The following ERC2 variants were observed in gnomAD, a reference collection of about 807,000 sequenced individuals.
ERC2 encodes the protein ELKS/RAB6-interacting/CAST family member 2.
A neutral mutation model predicts 114.8 loss-of-function variants in ERC2; 42 were observed. The ratio of observed to expected loss-of-function variants is 0.37; its 90% CI spans 0.29 to 0.47. The LOEUF (loss-of-function observed/expected upper bound fraction) is 0.47. Ranked by LOEUF, ERC2 falls within the 20% of genes least tolerant of loss-of-function variation. ERC2 has a pLI of 0.99. For synonymous variants in ERC2, 454 were observed against 425.5 expected (o/e 1.07, Z -0.82); for missense variants, 939 against 1,150.7 (o/e 0.82, Z 2.66).
At chr3:55,737,396 T>C (rs1339753628) in intron 14 of ERC2, among the ~76,000 whole-genome samples, 1 of 152,172 alleles carries the variant, frequency 6.6e-6, no homozygotes, top group Non-Finnish European at 1.5e-5. Flanking sequence ...TAGACATGCT[T>C]GCGGCTCCCA....
rs61573924 is a variant in ERC2 at position 55,850,845 on chromosome 3, AACACACACACACACACAC to A, written c.2564+37526_2564+37543del. Among the ~76,000 whole-genome samples the A allele has an allele frequency of 4.7e-4, 59 of 125,956 alleles. No homozygotes were observed. In the East Asian group the frequency reaches 7.8e-3, roughly 17 times the overall value. 82.6% of individuals were successfully genotyped at this position (125,956 alleles called of 152,430 possible). On this transcript the variant is annotated intron_variant, in intron 14 of 17. Coordinates refer to ENST00000288221, the MANE Select transcript of ERC2 (RefSeq NM_015576.3). ...TCCTGTTTCTAGATACTCTTTTTCA[AACACACACACACACACAC>A]ACACACACACACACACACACACACA...
intron 17 of ERC2, among the ~76,000 whole-genome samples, chr3:55,676,802 G>T (rs866241526): frequency 1.3e-5 from 2 of 152,092 alleles, no homozygotes; most frequent in Admixed American, 6.6e-5. Context: ...CTCCCTGTGC[G>T]CCAGCCCTGG....
chr3:56,401,335 AC>A (rs768166267), intron 2 of ERC2, among the ~76,000 whole-genome samples: 27 of 152,192 alleles, frequency 1.8e-4, no homozygotes, highest in Middle Eastern at 6.3e-3. Flanking sequence ...GTTGACTTAA[AC>A]CCAAATTCCC....
chr3:55,760,093 C>G (rs775271756), intron 14 of ERC2, among the ~76,000 whole-genome samples: 5 of 152,130 alleles, frequency 3.3e-5, no homozygotes, highest in African/African-American at 1.2e-4. Flanking sequence ...GTTTCAGTCT[C>G]GTACTTTTCT....
chr3:55,994,005 TTG>T (rs1166612435), intron 10 of ERC2, among the ~76,000 whole-genome samples: 7 of 152,150 alleles, frequency 4.6e-5, no homozygotes, highest in Non-Finnish European at 7.4e-5. Context: ...CTGCTTCTAT[TTG>T]TGACAATATG....
chr3:56,433,773 G>A, intron 2 of ERC2: 1 of 156,364 alleles, frequency 6.4e-6, no homozygotes, highest in Non-Finnish European at 1.4e-5. Flanking sequence ...ATGCTGAATG[G>A]ATGAAGGCAA....
At position 56,032,967 on chromosome 3, in the gene ERC2, AAGAAAGAAAG is replaced by A. The variant is rs758397271; in HGVS notation, c.1642-13946_1642-13937del. 4.0e-4 allele frequency among the ~76,000 whole-genome samples: 41 copies of A among 103,546 alleles called. 3 individuals are homozygous for A. The highest frequency in any genetic ancestry group is 6.4e-4 in the Non-Finnish European group (31 of 48,170). 67.9% of individuals were successfully genotyped at this position (103,546 alleles called of 152,430 possible). On this transcript the variant is annotated intron_variant, in intron 7 of 17. Transcript: ENST00000288221. ...AGAAAGAAAGAAAGAAACAGAAAGA[AAGAAAGAAAG>A]AGAAAGAAAGAAAGAAAGAAAGAAA...
intron 17 of ERC2, among the ~76,000 whole-genome samples, chr3:55,641,264 T>C (rs1460523118): frequency 6.6e-6 from 1 of 152,018 alleles, no homozygotes; most frequent in African/African-American, 2.4e-5. Context: ...TAAGAGCCAA[T>C]ATAGGCCAGG....
intron 17 of ERC2, among the ~76,000 whole-genome samples, chr3:55,583,369 GCCTTCTTTCCTTCTTTCTTT>G (rs1559691795): frequency 8.4e-5 from 12 of 142,444 alleles, no homozygotes; most frequent in African/African-American, 2.6e-4. Flanking sequence ...CTGCCTGCCT[GCCTTCTTTCCTTCTTTCTTT>G]CCTTCCTTCT....
intron 7 of ERC2, among the ~76,000 whole-genome samples, chr3:56,064,705 C>A (rs1188099341): frequency 2.6e-5 from 4 of 152,174 alleles, no homozygotes; most frequent in Non-Finnish European, 4.4e-5. Flanking sequence ...TTAGAGTACA[C>A]TTTTAAAATC....
intron 15 of ERC2, among the ~76,000 whole-genome samples, chr3:55,718,412 A>G (rs571029248): frequency 2.5e-4 from 38 of 152,348 alleles, no homozygotes; most frequent in Non-Finnish European, 4.9e-4. Flanking sequence ...GAACAGGACA[A>G]CAGCTTTCAA....
At position 56,368,175 on chromosome 3, in the gene ERC2, CTTT is replaced by C. The variant is rs750386743; in HGVS notation, c.657+66173_657+66175del. On this transcript the variant is annotated intron_variant, in intron 2 of 17. Transcript: ENST00000288221. ...ATCTACAATAAAAGTTGAAATTATTCTTTTTTTTTTAAAAAAAAAAAAAAAGCA... is the reference window on the plus strand; with the variant it reads ...ATCTACAATAAAAGTTGAAATTATTCTTTTTTTAAAAAAAAAAAAAAAGCA... 5.3e-4 allele frequency among the ~76,000 whole-genome samples: 71 copies of C among 135,044 alleles called. 1 individual carries two copies. The highest frequency in any genetic ancestry group is 8.9e-4 in the Non-Finnish European group (57 of 64,120). The allele number at this position is 135,044 out of a possible 152,430, so 88.6% of individuals were successfully genotyped here.
At chr3:55,818,086 A>T (rs768100176) in intron 14 of ERC2, among the ~76,000 whole-genome samples, 3 of 152,262 alleles carry the variant, frequency 2.0e-5, no homozygotes, top group Non-Finnish European at 4.4e-5. Flanking sequence ...GAACGATGGG[A>T]CTGTCAAGTG....
intron 4 of ERC2, among the ~76,000 whole-genome samples, chr3:56,160,554 G>A (rs1008351020): frequency 6.6e-6 from 1 of 152,028 alleles, no homozygotes. Flanking sequence ...CTTTCACAAG[G>A]CCAATGTCCA....
intron 3 of ERC2, among the ~76,000 whole-genome samples, chr3:56,279,412 C>A (rs1475316749): frequency 6.6e-6 from 1 of 152,130 alleles, no homozygotes; most frequent in African/African-American, 2.4e-5. Flanking sequence ...TGAGGATATC[C>A]AGAGAAGGTA....
At chr3:56,210,051 T>C (rs144010805) in intron 3 of ERC2, among the ~76,000 whole-genome samples, 1 of 152,310 alleles carries the variant, frequency 6.6e-6, no homozygotes, top group East Asian at 1.9e-4. Context: ...CAGTGGGAGA[T>C]ATGTAAACAT....
intron 3 of ERC2, among the ~76,000 whole-genome samples, chr3:56,251,665 T>G (rs1015127429): frequency 6.6e-6 from 1 of 152,224 alleles, no homozygotes; most frequent in Non-Finnish European, 1.5e-5. Flanking sequence ...TATTTCTTGA[T>G]AGCAGGATTC....
At chr3:56,110,868 T>A (rs1242601516) in intron 6 of ERC2, among the ~76,000 whole-genome samples, 1 of 152,178 alleles carries the variant, frequency 6.6e-6, no homozygotes, top group African/African-American at 2.4e-5. Flanking sequence ...TTTGACTGCA[T>A]CTCATGTCTG....
intron 14 of ERC2, among the ~76,000 whole-genome samples, chr3:55,815,494 C>G (rs536497213): frequency 6.6e-6 from 1 of 152,130 alleles, no homozygotes; most frequent in Non-Finnish European, 1.5e-5. Flanking sequence ...GGAGCGGCCA[C>G]GTGGAAAACA....
Sources: gnomAD v4.1 joint callset for allele counts (sites outside exome capture counted in the v4.1 genomes callset) on GRCh38, gnomAD v4.1.1 for gene constraint, MANE v1.5 for transcripts, NCBI Gene and HGNC (gene_info 2026-07-23, HGNC 2026-07-21) for gene names.